NXN: variants seen among roughly 807,000 people sequenced by gnomAD.
The protein encoded by NXN is nucleoredoxin, also known as nucleoredoxin 1.
In NXN, 16 loss-of-function variants were observed where a neutral mutation model predicts 48.6. The observed-to-expected ratio is 0.33, with a 90% CI of 0.22 to 0.50. NXN has a LOEUF of 0.50. NXN is among the 20% of genes least tolerant of loss of function. NXN has a pLI of 0.98. For missense variants in NXN, 492 were observed against 605.5 expected (o/e 0.81, Z 1.97); for synonymous variants, 281 against 269.6 (o/e 1.04, Z -0.41).
rs994273296 is a variant in NXN at position 920,143 on chromosome 17, G to A, written c.360+59176C>T. 3.9e-5 allele frequency among the ~76,000 whole-genome samples: 6 copies of A among 151,998 alleles called. No homozygotes were observed. The highest frequency in any genetic ancestry group is 7.4e-5 in the Non-Finnish European group (5 of 67,990). ...TTGAACTCCTGGGCTCAAGCGATCAGCCCATCTCAGCCGCCCAAAGTGCTG... is the reference window on the plus strand; with the variant it reads ...TTGAACTCCTGGGCTCAAGCGATCAACCCATCTCAGCCGCCCAAAGTGCTG... On this transcript the variant is annotated intron_variant, in intron 1 of 7. Coordinates refer to ENST00000336868, the MANE Select transcript of NXN (RefSeq NM_022463.5). This position sits in a 1 kb window ranked among gnomAD's most constrained non-coding sequence, Gnocchi z 4.6.
At chr17:961,305 A>G in intron 1 of NXN, among the ~76,000 whole-genome samples, 1 of 151,750 alleles carries the variant, frequency 6.6e-6, no homozygotes, top group Middle Eastern at 3.2e-3. Flanking sequence ...GAATCGCTTG[A>G]ACCCGGGAGG....
intron 5 of NXN, among the ~76,000 whole-genome samples, chr17:813,009 TGTA>T (rs1292635047): frequency 6.6e-6 from 1 of 151,858 alleles, no homozygotes; most frequent in African/African-American, 2.4e-5. Flanking sequence ...TTTGCATGTG[TGTA>T]GGTTGTGTGC....
At chr17:888,755 G>A (rs2068375969) in intron 1 of NXN, among the ~76,000 whole-genome samples, 2 of 151,792 alleles carry the variant, frequency 1.3e-5, no homozygotes, top group African/African-American at 4.8e-5. Context: ...AGGAGTTCGA[G>A]ACCAGCCTGA....
intron 1 of NXN, among the ~76,000 whole-genome samples, chr17:855,906 C>A (rs1474831588): frequency 6.6e-6 from 1 of 151,978 alleles, no homozygotes; most frequent in East Asian, 1.9e-4. Context: ...TAAGAGGGTC[C>A]AATCTAGGCC....
intron 1 of NXN, among the ~76,000 whole-genome samples, chr17:895,774 C>T (rs1439248852): frequency 7.0e-6 from 1 of 142,332 alleles, no homozygotes; most frequent in African/African-American, 2.7e-5. Flanking sequence ...GCCGAGATCG[C>T]ACCACTGCAC....
chr17:872,674 G>T (rs1018651981), intron 1 of NXN, among the ~76,000 whole-genome samples: 1 of 136,352 alleles, frequency 7.3e-6, no homozygotes, highest in Non-Finnish European at 1.5e-5. Flanking sequence ...AGACTGGAGT[G>T]TGATGGTGCA....
chr17:848,294 C>T (rs551030403), intron 1 of NXN, among the ~76,000 whole-genome samples: 1 of 152,292 alleles, frequency 6.6e-6, no homozygotes, highest in African/African-American at 2.4e-5. Flanking sequence ...CCCACCACCA[C>T]GCCCGGCTAA....
At chr17:837,881 C>T (rs1442796784) in intron 1 of NXN, among the ~76,000 whole-genome samples, 1 of 152,166 alleles carries the variant, frequency 6.6e-6, no homozygotes, top group Non-Finnish European at 1.5e-5. Flanking sequence ...TACATGTTTT[C>T]AGCTGGTTCA....
chr17:875,781 T>C (rs1386339399), intron 1 of NXN, among the ~76,000 whole-genome samples: 1 of 151,088 alleles, frequency 6.6e-6, no homozygotes, highest in Non-Finnish European at 1.5e-5. Flanking sequence ...AAAAAAATTG[T>C]AGAACCCGGT....
Position 823,747 on chromosome 17 carries a change from C to T in NXN, c.497G>A (p.Gly166Glu). 2 of 1,614,108 alleles carry T rather than the reference C, an allele frequency of 1.2e-6. No homozygotes were observed. The highest frequency in any genetic ancestry group is 1.7e-6 in the Non-Finnish European group (2 of 1,180,018). ...DDPEGLEFPW[G>E]PKPFREVIAG... Reference sequence around the variant, plus strand: ...AATGACTTCCCTGAAGGGTTTCGGTCCCCAGGGGAACTCCAGACCTGAAAC... The same window carrying T: ...AATGACTTCCCTGAAGGGTTTCGGTTCCCAGGGGAACTCCAGACCTGAAAC... The change falls in exon 3 of 8, where the codon GGA becomes GAA. Residue 166 changes from glycine (G) to glutamate (E), a missense_variant. Transcript: ENST00000336868.
At chr17:942,738 T>A (rs1162801611) in intron 1 of NXN, among the ~76,000 whole-genome samples, 15 of 112,226 alleles carry the variant, frequency 1.3e-4, no homozygotes. Context: ...GTGAACAAGA[T>A]TCCAGGGTGC....
chr17:927,580 C>CAAAAAAA (rs71371593), intron 1 of NXN, among the ~76,000 whole-genome samples: 2 of 117,628 alleles, frequency 1.7e-5, no homozygotes, highest in African/African-American at 3.3e-5. Flanking sequence ...AACCTTGTCT[C>CAAAAAAA]AAAAAAAAAA....
chr17:819,057 CT>C (rs1440141926), intron 5 of NXN: 1 of 308,130 alleles, frequency 3.2e-6, no homozygotes, highest in East Asian at 1.1e-4. Context: ...AGCAATTCCC[CT>C]GCCTCAGCCT....
chr17:807,409 G>A (rs1911622689), intron 5 of NXN, among the ~76,000 whole-genome samples: 1 of 152,266 alleles, frequency 6.6e-6, no homozygotes, highest in Non-Finnish European at 1.5e-5. Context: ...GCAGGCACGG[G>A]GGACGGGGAG....
rs1038337688 is a variant in NXN, at chr17:830,138, T to C, written c.361-4060A>G. Among the ~76,000 whole-genome samples, 1 of 152,182 alleles carries C rather than the reference T, an allele frequency of 6.6e-6. No individual in the cohort carries two copies. The highest frequency in any genetic ancestry group is 1.5e-5 in the Non-Finnish European group (1 of 68,032). On this transcript the variant is annotated intron_variant, in intron 1 of 7. Coordinates refer to ENST00000336868, the MANE Select transcript of NXN (RefSeq NM_022463.5). This position sits in a 1 kb window ranked among gnomAD's most constrained non-coding sequence, Gnocchi z 4.2. Reference sequence around the variant, plus strand: ...ACTTACTGATGTGTAGGAGATACGCTGTTGTCAGCACCCTGTGCTTTCCCC... The same window carrying C: ...ACTTACTGATGTGTAGGAGATACGCCGTTGTCAGCACCCTGTGCTTTCCCC...
intron 1 of NXN, 94 bp from the exon 2 acceptor site, chr17:826,172 A>G (rs1202758013): frequency 3.6e-6 from 3 of 836,916 alleles, no homozygotes; most frequent in Non-Finnish European, 6.3e-6. Flanking sequence ...CTGGATGAAC[A>G]GGCAAGCATT....
Position 825,221 on chromosome 17 carries a change from GA to G in NXN, c.478+739del, listed in dbSNP as rs34471469. Among the ~76,000 whole-genome samples the G allele has an allele frequency of 1.4e-3, 168 of 120,936 alleles. No homozygotes were observed. Among genetic ancestry groups the G allele is most frequent in the Non-Finnish European group, 1.2e-3 (66 of 54,950 alleles). The allele number at this position is 120,936 out of a possible 152,430, so 79.3% of individuals were successfully genotyped here. A position where few individuals can be genotyped will look rare whatever the true frequency, so the allele number is the denominator to read the frequency against. On this transcript the variant is annotated intron_variant, in intron 2 of 7. Transcript: ENST00000336868. The surrounding 1 kb of genome is among the most constrained non-coding windows in gnomAD (Gnocchi z 4.1). ...GACAGAGGGAGATAGTGTCTCAAGAGAAAAAAAAAAAAAAAAAAGAAAAGCT... is the reference window on the plus strand; with the variant it reads ...GACAGAGGGAGATAGTGTCTCAAGAGAAAAAAAAAAAAAAAAAGAAAAGCT...
chr17:930,652 C>T (rs148564158), intron 1 of NXN, among the ~76,000 whole-genome samples: 114 of 152,162 alleles, frequency 7.5e-4, no homozygotes, highest in Non-Finnish European at 1.4e-3. Context: ...AAGACACCAA[C>T]GTTCCCAAAG....
In NXN at chr17:868,015, G is replaced by A. The variant is rs1437419196; in HGVS notation, c.361-41937C>T. 2.6e-5 allele frequency among the ~76,000 whole-genome samples: 4 copies of A among 152,300 alleles called. No individual in the cohort carries two copies. In the East Asian group the frequency reaches 7.7e-4, roughly 29 times the overall value. On this transcript the variant is annotated intron_variant, in intron 1 of 7. Coordinates refer to ENST00000336868, the MANE Select transcript of NXN (RefSeq NM_022463.5). Reference sequence around the variant, plus strand: ...ACTAATGACCTTCAGAGTGACAGGAGCATGACCTATTCCGGGGACACAGCA... The same window carrying A: ...ACTAATGACCTTCAGAGTGACAGGAACATGACCTATTCCGGGGACACAGCA...
Sources: gnomAD v4.1 joint callset for allele counts (sites outside exome capture counted in the v4.1 genomes callset) on GRCh38, gnomAD v4.1.1 for gene constraint, Gnocchi (gnomAD v3.1) non-coding constraint, MANE v1.5 for transcripts, NCBI Gene and HGNC (gene_info 2026-07-23, HGNC 2026-07-21) for gene names.